The following TRAP1 variants were observed in gnomAD, a reference collection of about 807,000 sequenced individuals.
TRAP1 encodes heat shock protein 75 kDa, mitochondrial.
In TRAP1, 102 loss-of-function variants were observed where a neutral mutation model predicts 89.1. The observed-to-expected ratio is 1.15, with a 90% CI of 0.98 to 1.35. The LOEUF (loss-of-function observed/expected upper bound fraction) is 1.35. TRAP1 is among the 40% of genes most tolerant of loss of function. The pLI is 0.00. For synonymous variants in TRAP1, 508 were observed against 388.0 expected (o/e 1.31, Z -3.64); for missense variants, 1,256 against 945.3 (o/e 1.33, Z -4.31).
chr16:3,670,798 C>T (rs1272933634), intron 11 of TRAP1, among the ~76,000 whole-genome samples: 2 of 152,120 alleles, frequency 1.3e-5, no homozygotes, highest in East Asian at 1.9e-4. Context: ...AGGATATCAC[C>T]GGCAGGCCAT....
chr16:3,685,978 G>A lies in TRAP1; in HGVS notation c.471+18C>T, dbSNP rs112526911. On this transcript the variant is annotated intron_variant, in intron 4 of 17. Transcript: ENST00000246957. ...GCATGGCCGGGCCTGCCACACGCCTGGACACTGAGGGAGGTACCTGGATGG... is the reference window on the plus strand; with the variant it reads ...GCATGGCCGGGCCTGCCACACGCCTAGACACTGAGGGAGGTACCTGGATGG... 2,912 of 1,612,516 alleles carry A rather than the reference G, an allele frequency of 1.8e-3. 43 individuals carry two copies. The African/African-American group carries it at 0.033, about 18-fold the overall frequency.
Position 3,663,491 on chromosome 16 carries a change from C to T in TRAP1, c.1641G>A (p.Leu547=), listed in dbSNP as rs368865834. Residue 547 remains leucine (L), a synonymous_variant, in exon 14 of 18, where the codon CTG becomes CTA. Coordinates refer to ENST00000246957, the MANE Select transcript of TRAP1 (RefSeq NM_016292.3). ...CGACTATGTCCGTCTCCACAGAGAT[C>T]AGCTTCTTCTTGTCAAACTCACGAA... is the stretch of plus-strand genomic sequence containing the variant. The part of the protein sequence containing the change: ...LHLREFDKKK[L]ISVETDIVVD... The T allele has an allele frequency of 1.9e-5, 30 of 1,614,092 alleles. No homozygotes were observed. The highest frequency in any genetic ancestry group is 2.4e-5 in the Non-Finnish European group (28 of 1,180,048).
chr16:3,664,833 C>A (rs2050791568), intron 12 of TRAP1: 1 of 211,254 alleles, frequency 4.7e-6, no homozygotes, highest in South Asian at 7.2e-5. Flanking sequence ...CGGGTGAAGT[C>A]CACGGTTCCC....
In TRAP1 at chr16:3,690,866, GT is replaced by G; in HGVS notation, c.207del (p.Glu69AspfsTer48). On this transcript the variant is annotated frameshift_variant, in exon 2 of 18. Coordinates refer to ENST00000246957, the MANE Select transcript of TRAP1 (RefSeq NM_016292.3). LOFTEE classifies it high-confidence loss of function. The stretch of plus-strand genomic sequence containing the variant: ...GTGCTGCTGATAATCGAGTGCAGGG[GT>G]TCCTCCTTGTCCTCGGCGGTCTGCG... ...FSTQTAEDKE[E>X]PLHSIISSTE... is the part of the protein sequence containing the mutation. 3 of 1,576,258 alleles carry G rather than the reference GT, an allele frequency of 1.9e-6. No individual in the cohort carries two copies. Among genetic ancestry groups the G allele is most frequent in the Non-Finnish European group, 2.6e-6 (3 of 1,161,194 alleles).
chr16:3,702,806 G>A (rs1408815573), intron 1 of TRAP1, among the ~76,000 whole-genome samples: 1 of 151,636 alleles, frequency 6.6e-6, no homozygotes, highest in African/African-American at 2.4e-5. Flanking sequence ...ACTTTGGGAG[G>A]CTGTGGTAGG....
chr16:3,679,080 T>A (rs2051039758), intron 5 of TRAP1, among the ~76,000 whole-genome samples: 1 of 152,082 alleles, frequency 6.6e-6, no homozygotes, highest in Non-Finnish European at 1.5e-5. Flanking sequence ...CTCAGGAGGC[T>A]GAGGCTGGAG....
chr16:3,684,665 C>G (rs144889018), intron 4 of TRAP1, among the ~76,000 whole-genome samples: 1 of 152,248 alleles, frequency 6.6e-6, no homozygotes, highest in Non-Finnish European at 1.5e-5. Flanking sequence ...TGGCACACAT[C>G]CGTAATCCCA....
chr16:3,670,259 G>A (rs550966654), intron 11 of TRAP1, among the ~76,000 whole-genome samples: 114 of 151,450 alleles, frequency 7.5e-4, no homozygotes, highest in Non-Finnish European at 1.2e-3. Context: ...GCAGGCACCT[G>A]TAGTCCCAGC....
At chr16:3,667,598 C>G (rs965372094) in intron 11 of TRAP1, among the ~76,000 whole-genome samples, 5 of 150,352 alleles carry the variant, frequency 3.3e-5, no homozygotes, top group Non-Finnish European at 7.4e-5. Context: ...GCACTCCAGC[C>G]TGAGCAACAG....
chr16:3,697,480 C>T (rs1009239853), intron 1 of TRAP1, among the ~76,000 whole-genome samples: 6 of 151,802 alleles, frequency 4.0e-5, no homozygotes, highest in Admixed American at 1.3e-4. Flanking sequence ...CTGGCTAACA[C>T]GGTGAAACCC....
In TRAP1 at chr16:3,677,634, G is replaced by A. The variant is rs774869581; in HGVS notation, c.568C>T (p.Gln190Ter). 41 of 1,613,918 alleles carry A rather than the reference G, an allele frequency of 2.5e-5. 1 individual carries two copies. The highest frequency in any genetic ancestry group is 3.3e-5 in the Non-Finnish European group (39 of 1,180,034). Residue 190 changes from glutamine (Q) to a stop codon, truncating the protein, a stop_gained, in exon 6 of 18, where the codon CAG (glutamine) becomes TAG (stop). Transcript: ENST00000246957. LOFTEE classifies it high-confidence loss of function. ...ATGATCTTGCTGCTGGCCTCAGCCT[G>A]GTTCTGCAGAGCATCCAGGAAGGCC... is the stretch of plus-strand genomic sequence containing the variant. ...SKAFLDALQN[Q>*]AEASSKIIGQ... is the part of the protein sequence containing the mutation.
rs2051047981 is a variant in TRAP1, at chr16:3,679,648, G to A, written c.543+71C>T. The A allele has an allele frequency of 5.9e-6, 9 of 1,526,574 alleles. No homozygotes were observed. The South Asian group carries it at 1.0e-4, about 17-fold the overall frequency. The allele number at this position is 1,526,574 out of a possible 1,614,324, so 94.6% of individuals were successfully genotyped here. A position where few individuals can be genotyped will look rare whatever the true frequency, so the allele number is the denominator to read the frequency against. The stretch of plus-strand genomic sequence containing the variant: ...CGTTCTTACTTAATCTGGCACCCAG[G>A]GCCACCCCTACTGGAGGGATCCTTG... On this transcript the variant is annotated intron_variant, in intron 5 of 17. Transcript: ENST00000246957.
intron 11 of TRAP1, among the ~76,000 whole-genome samples, chr16:3,666,861 G>C (rs768864525): frequency 2.4e-4 from 36 of 152,130 alleles, no homozygotes; most frequent in Non-Finnish European, 3.7e-4. Context: ...CCTAAAATTA[G>C]GAACAACTTT....
At chr16:3,673,941 G>A (rs1053995070) in intron 9 of TRAP1, among the ~76,000 whole-genome samples, 1 of 152,082 alleles carries the variant, frequency 6.6e-6, no homozygotes, top group Non-Finnish European at 1.5e-5. Context: ...AGATGATGTA[G>A]GCTCTGAGGG....
In TRAP1 at chr16:3,676,259, A is replaced by G. The variant is rs530086939; in HGVS notation, c.705-114T>C. On this transcript the variant is annotated intron_variant, in intron 6 of 17. Coordinates refer to ENST00000246957, the MANE Select transcript of TRAP1 (RefSeq NM_016292.3). ...AGGCAGAGCCCAAACAACACACAACACACCTCAAATGCCCCATTTCTGACC... is the reference window on the plus strand; with the variant it reads ...AGGCAGAGCCCAAACAACACACAACGCACCTCAAATGCCCCATTTCTGACC... 4 of 742,146 alleles carry G rather than the reference A, an allele frequency of 5.4e-6. No homozygotes were observed. In the Admixed American group the frequency reaches 8.4e-5, roughly 16 times the overall value. The allele number at this position is 742,146 out of a possible 1,614,324, so 46.0% of individuals were successfully genotyped here. A position where few individuals can be genotyped will look rare whatever the true frequency, so the allele number is the denominator to read the frequency against.
chr16:3,664,498 C>T, intron 12 of TRAP1, 39 bp from the exon 13 acceptor site: 1 of 1,573,440 alleles, frequency 6.4e-7, no homozygotes, highest in Non-Finnish European at 8.6e-7. Context: ...ATTCCAGGCC[C>T]ATGGGCTCAA....
At chr16:3,683,162 C>T (rs1174025240) in intron 4 of TRAP1, among the ~76,000 whole-genome samples, 2 of 150,996 alleles carry the variant, frequency 1.3e-5, no homozygotes, top group South Asian at 4.2e-4. Context: ...AGAGCAAAAC[C>T]CCATTTCAAA....
intron 1 of TRAP1, among the ~76,000 whole-genome samples, chr16:3,694,366 CAG>C (rs2051258445): frequency 6.6e-6 from 1 of 151,280 alleles, no homozygotes; most frequent in African/African-American, 2.4e-5. Context: ...TTTTTTGAGA[CAG>C]AGTCTCGCTC....
chr16:3,712,341 A>T (rs527713628), intron 1 of TRAP1, among the ~76,000 whole-genome samples: 1 of 150,622 alleles, frequency 6.6e-6, no homozygotes, highest in South Asian at 2.1e-4. Flanking sequence ...ATTTTGAGAC[A>T]AGCAAGTATC....
Sources: allele counts gnomAD v4.1 joint callset (sites outside exome capture counted in the v4.1 genomes callset), GRCh38; gene constraint gnomAD v4.1.1; transcripts MANE v1.5; gene names NCBI Gene and HGNC (gene_info 2026-07-23, HGNC 2026-07-21).